The following VWA2 variants were observed in gnomAD, a reference collection of about 807,000 sequenced individuals.
VWA2 encodes von Willebrand factor A domain-containing protein 2.
A neutral mutation model predicts 70.4 loss-of-function variants in VWA2; 73 were observed. The ratio of observed to expected loss-of-function variants is 1.04; its 90% CI spans 0.86 to 1.26. VWA2 has a LOEUF of 1.26. VWA2 is among the 50% of genes most tolerant of loss of function. The probability of loss-of-function intolerance (pLI) is 0.00; values close to 1 mark genes in which losing one functional copy is unlikely to be tolerated. For synonymous variants in VWA2, 407 were observed against 423.3 expected (o/e 0.96, Z 0.47); for missense variants, 1,011 against 998.5 (o/e 1.01, Z -0.17).
At chr10:114,286,958 A>C (rs1388217168) in intron 11 of VWA2, among the ~76,000 whole-genome samples, 1 of 152,224 alleles carries the variant, frequency 6.6e-6, no homozygotes, top group East Asian at 1.9e-4. Context: ...ACACGGATGC[A>C]TGTGCATGCA....
At chr10:114,278,191 C>A in intron 7 of VWA2, 144 bp downstream of exon 7, 2 of 1,209,758 alleles carry the variant, frequency 1.7e-6, no homozygotes, top group Non-Finnish European at 2.2e-6. Context: ...ACCCTGGATG[C>A]TCTGCGTCTC....
intron 5 of VWA2, among the ~76,000 whole-genome samples, chr10:114,271,647 G>T (rs1221330409): frequency 7.1e-6 from 1 of 140,600 alleles, no homozygotes; most frequent in Non-Finnish European, 1.5e-5. Flanking sequence ...ACACACAGCA[G>T]GTAATGCCCA....
intron 1 of VWA2, among the ~76,000 whole-genome samples, chr10:114,248,217 T>G (rs1268709608): frequency 6.6e-6 from 1 of 152,200 alleles, no homozygotes; most frequent in East Asian, 1.9e-4. Flanking sequence ...TGTTGTCTTC[T>G]TAGCTAGGGG....
At position 114,291,941 on chromosome 10, in the gene VWA2, G is replaced by A. The variant is rs551723661; in HGVS notation, c.*704G>A. Among the ~76,000 whole-genome samples, 1 of 152,244 alleles carries A rather than the reference G, an allele frequency of 6.6e-6. No individual in the cohort carries two copies. Among genetic ancestry groups the A allele is most frequent in the East Asian group, 1.9e-4 (1 of 5,174 alleles). On this transcript the variant is annotated 3_prime_UTR_variant, in exon 14 of 14. Coordinates refer to ENST00000392982, the MANE Select transcript of VWA2 (RefSeq NM_001272046.2). The stretch of plus-strand genomic sequence containing the variant: ...AGGTCTGGAGGGGCCACGTAAAATC[G>A]TTCTGAGTCGTGAGCAGTGTCCACC...
At chr10:114,271,767 T>C (rs1015392803) in intron 5 of VWA2, among the ~76,000 whole-genome samples, 2 of 152,242 alleles carry the variant, frequency 1.3e-5, no homozygotes, top group Non-Finnish European at 2.9e-5. Flanking sequence ...AGTGTAAATG[T>C]GTCCCCCATC....
rs1381940238 is a variant in VWA2, at chr10:114,286,261, A to G, written c.1320A>G (p.Thr440=). The change falls in exon 11 of 14, where the codon ACA becomes ACG. Residue 440 remains threonine (T), a synonymous_variant. Transcript: ENST00000392982. ...GTGGCTTCGGGAGCGCCACCAGGACAGGCCAGGACCGGCCACGTAGAGTGG... is the reference window on the plus strand; with the variant it reads ...GTGGCTTCGGGAGCGCCACCAGGACGGGCCAGGACCGGCCACGTAGAGTGG... ...AERGFGSATR[T]GQDRPRRVVV... The G allele has an allele frequency of 6.2e-7, 1 of 1,611,222 alleles. No individual in the cohort carries two copies. The highest frequency in any genetic ancestry group is 8.5e-7 in the Non-Finnish European group (1 of 1,178,162).
intron 6 of VWA2, among the ~76,000 whole-genome samples, chr10:114,276,377 C>A (rs1358064895): frequency 6.6e-6 from 1 of 152,248 alleles, no homozygotes; most frequent in African/African-American, 2.4e-5. Flanking sequence ...AGTCAGAGAG[C>A]CTTGGTCTGC....
In VWA2 at chr10:114,286,516, G is replaced by A. The variant is rs753462554; in HGVS notation, c.1570+5G>A. 1.2e-5 allele frequency: 18 copies of A among 1,556,202 alleles called. No individual in the cohort carries two copies. Among genetic ancestry groups the A allele is most frequent in the Middle Eastern group, 3.4e-4 (2 of 5,864 alleles). ...TGTGCAGCCGGCAGCGGCCAGGTAA[G>A]GTCCCAGTGCCTGACCCAGGACCGC... On this transcript the variant is annotated splice_donor_5th_base_variant and intron_variant, in intron 11 of 13. Coordinates refer to ENST00000392982, the MANE Select transcript of VWA2 (RefSeq NM_001272046.2).
chr10:114,255,242 T>C (rs569198295), intron 4 of VWA2, among the ~76,000 whole-genome samples, 194 bp downstream of exon 4: 23 of 151,734 alleles, frequency 1.5e-4, no homozygotes, highest in East Asian at 3.9e-4. Flanking sequence ...TTTTTTTTTT[T>C]CCCTTCTCTC....
At chr10:114,252,744 G>A (rs1430688208) in intron 2 of VWA2, among the ~76,000 whole-genome samples, 3 of 152,002 alleles carry the variant, frequency 2.0e-5, no homozygotes, top group African/African-American at 7.2e-5. Flanking sequence ...AACTATAGGC[G>A]CCCGCCAGCA....
intron 1 of VWA2, among the ~76,000 whole-genome samples, chr10:114,242,218 C>T (rs2036984984): frequency 6.6e-6 from 1 of 152,154 alleles, no homozygotes; most frequent in Non-Finnish European, 1.5e-5. Context: ...TGCCCTTGCC[C>T]CGGGAGCCTT....
chr10:114,247,966 G>A (rs1303405966), intron 1 of VWA2, among the ~76,000 whole-genome samples: 1 of 152,014 alleles, frequency 6.6e-6, no homozygotes, highest in Non-Finnish European at 1.5e-5. Flanking sequence ...TCTCAGCCAA[G>A]TGTGGTGGCA....
chr10:114,290,937 A>G (rs150844361), intron 13 of VWA2, among the ~76,000 whole-genome samples: 9 of 152,338 alleles, frequency 5.9e-5, no homozygotes, highest in East Asian at 1.9e-4. Flanking sequence ...TAGAGGTCCA[A>G]CTATGGCTCC....
At chr10:114,250,506 G>T (rs1392483915) in intron 2 of VWA2, among the ~76,000 whole-genome samples, 1 of 152,216 alleles carries the variant, frequency 6.6e-6, no homozygotes, top group Non-Finnish European at 1.5e-5. Flanking sequence ...AAGCCAAGGG[G>T]TTGCACAGTG....
At chr10:114,276,469 A>G (rs1247326050) in intron 6 of VWA2, among the ~76,000 whole-genome samples, 2 of 152,160 alleles carry the variant, frequency 1.3e-5, no homozygotes, top group African/African-American at 2.4e-5. Context: ...TCTACAAGCA[A>G]TAAAGCAAAA....
chr10:114,273,678 C>G (rs925288747), intron 6 of VWA2, among the ~76,000 whole-genome samples: 2 of 152,206 alleles, frequency 1.3e-5, no homozygotes, highest in African/African-American at 2.4e-5. Flanking sequence ...TGTGTTTGCA[C>G]ACAGAAATCT....
At chr10:114,280,358 A>G (rs898879829) in intron 8 of VWA2, among the ~76,000 whole-genome samples, 4 of 152,170 alleles carry the variant, frequency 2.6e-5, no homozygotes, top group African/African-American at 9.7e-5. Flanking sequence ...TCATTCCAAA[A>G]TGAATACAGA....
chr10:114,272,968 G>C (rs370808652), intron 6 of VWA2, 34 bp downstream of exon 6: 112 of 1,576,950 alleles, frequency 7.1e-5, no homozygotes, highest in Admixed American at 1.7e-4. Flanking sequence ...TCAGCCCTCA[G>C]GTGGTCAGCC....
At position 114,275,153 on chromosome 10, in the gene VWA2, G is replaced by C. The variant is rs80263451; in HGVS notation, c.566+2219G>C. On this transcript the variant is annotated intron_variant, in intron 6 of 13. Transcript: ENST00000392982. ...GACAGGGAGAGAAGATGACCAACGG[G>C]CCAGCAAGTGCAGGTCAGAGAGAGG... 4.8e-3 allele frequency among the ~76,000 whole-genome samples: 723 copies of C among 152,192 alleles called. 3 individuals are homozygous for C. The highest frequency in any genetic ancestry group is 0.017 in the African/African-American group (695 of 41,520).
Sources: allele counts gnomAD v4.1 joint callset (sites outside exome capture counted in the v4.1 genomes callset), GRCh38; gene constraint gnomAD v4.1.1; transcripts MANE v1.5; gene names NCBI Gene and HGNC (gene_info 2026-07-23, HGNC 2026-07-21).